PTPRM: variants seen among roughly 807,000 people sequenced by gnomAD.
The protein encoded by PTPRM is receptor-type tyrosine-protein phosphatase mu.
Under a neutral mutation model 186.7 loss-of-function variants are expected in PTPRM, and 47 were observed. That is an observed-to-expected ratio of 0.25 (90% CI 0.20 to 0.32). The LOEUF (loss-of-function observed/expected upper bound fraction) is 0.32, where lower values mean the gene tolerates loss of function less well. Ranked by LOEUF, PTPRM falls within the 10% of genes least tolerant of loss-of-function variation. PTPRM has a pLI of 1.00. For synonymous variants in PTPRM, 668 were observed against 674.9 expected (o/e 0.99, Z 0.16); for missense variants, 1,494 against 1,865.0 (o/e 0.80, Z 3.66).
chr18:8,279,326 T>C (rs143013851), intron 19 of PTPRM, among the ~76,000 whole-genome samples: 2,129 of 152,330 alleles, frequency 0.014, 18 homozygotes, highest in Middle Eastern at 0.034. Flanking sequence ...AAGCCTGATG[T>C]AGCAGGGCTG....
At chr18:8,056,651 A>T (rs1216037596) in intron 7 of PTPRM, among the ~76,000 whole-genome samples, 1 of 151,874 alleles carries the variant, frequency 6.6e-6, no homozygotes, top group African/African-American at 2.4e-5. Context: ...ATAAATGCAC[A>T]TTAGACTTTG....
intron 2 of PTPRM, among the ~76,000 whole-genome samples, chr18:7,851,232 C>T (rs369162182): frequency 6.6e-6 from 1 of 152,152 alleles, no homozygotes; most frequent in Non-Finnish European, 1.5e-5. Context: ...CATGGCAGGT[C>T]TAGCATACAT....
At chr18:7,608,032 G>C (rs2037578335) in intron 1 of PTPRM, among the ~76,000 whole-genome samples, 1 of 152,180 alleles carries the variant, frequency 6.6e-6, no homozygotes, top group African/African-American at 2.4e-5. Context: ...GCAGTAATGA[G>C]TGAAACCCTA....
chr18:7,960,928 A>G lies in PTPRM; in HGVS notation c.1132+5514A>G, dbSNP rs118104437. 8.2e-3 allele frequency among the ~76,000 whole-genome samples: 1,248 copies of G among 152,306 alleles called. 7 individuals carry two copies. The highest frequency in any genetic ancestry group is 0.032 in the South Asian group (156 of 4,820). On this transcript the variant is annotated intron_variant, in intron 7 of 32. Coordinates refer to ENST00000580170, the MANE Select transcript of PTPRM (RefSeq NM_001105244.2). ...TTAAATACACATAACAAAACTTACC[A>G]TCTTAACGAGTTTTAAGTGTACAGT... is the stretch of plus-strand genomic sequence containing the variant.
At chr18:8,192,541 G>A (rs2146723255) in intron 14 of PTPRM, among the ~76,000 whole-genome samples, 1 of 152,262 alleles carries the variant, frequency 6.6e-6, no homozygotes, top group East Asian at 1.9e-4. Flanking sequence ...AAAGAATATT[G>A]ACAGGAATTG....
At chr18:7,978,446 A>G (rs1177977438) in intron 7 of PTPRM, among the ~76,000 whole-genome samples, 1 of 152,160 alleles carries the variant, frequency 6.6e-6, no homozygotes, top group Non-Finnish European at 1.5e-5. Context: ...ACGGGACTCT[A>G]TTTGACCACT....
At chr18:8,115,046 C>G (rs577983136) in intron 13 of PTPRM, among the ~76,000 whole-genome samples, 85 of 145,710 alleles carry the variant, frequency 5.8e-4, no homozygotes, top group African/African-American at 2.4e-3. Context: ...AAATAAGAAG[C>G]TATATTTCTG....
intron 7 of PTPRM, among the ~76,000 whole-genome samples, chr18:8,067,076 TAA>T (rs2089140319): frequency 6.6e-6 from 1 of 152,236 alleles, no homozygotes; most frequent in Non-Finnish European, 1.5e-5. Flanking sequence ...CCATTGAAAT[TAA>T]GTTAGAACTG....
At chr18:7,808,917 C>G (rs2145450475) in intron 2 of PTPRM, among the ~76,000 whole-genome samples, 1 of 152,276 alleles carries the variant, frequency 6.6e-6, no homozygotes, top group Non-Finnish European at 1.5e-5. Flanking sequence ...TAGCACATTC[C>G]TCATTGGAAG....
chr18:8,126,006 TATATATA>T lies in PTPRM; in HGVS notation c.2167+11180_2167+11186del, dbSNP rs2092339803. On this transcript the variant is annotated intron_variant, in intron 13 of 32. Transcript: ENST00000580170. The stretch of plus-strand genomic sequence containing the variant: ...ATATATATATATATATATATATATA[TATATATA>T]TATATATATATATATTTTAAATCAG... 1.5e-3 allele frequency among the ~76,000 whole-genome samples: 35 copies of T among 23,940 alleles called. 1 individual carries two copies. The highest frequency in any genetic ancestry group is 3.8e-3 in the African/African-American group (35 of 9,272). 15.7% of individuals were successfully genotyped at this position (23,940 alleles called of 152,430 possible).
intron 1 of PTPRM, among the ~76,000 whole-genome samples, chr18:7,700,335 T>C (rs544607372): frequency 1.2e-4 from 18 of 152,280 alleles, no homozygotes; most frequent in African/African-American, 3.9e-4. Context: ...GTTTTATGCC[T>C]TGTAGAACCC....
At chr18:7,845,261 G>A (rs373622753) in intron 2 of PTPRM, among the ~76,000 whole-genome samples, 3 of 152,166 alleles carry the variant, frequency 2.0e-5, no homozygotes, top group African/African-American at 4.8e-5. Context: ...ACAAGAATGA[G>A]AATATGGCTT....
intron 4 of PTPRM, among the ~76,000 whole-genome samples, chr18:7,914,535 A>G (rs1017381860): frequency 6.6e-6 from 1 of 152,136 alleles, no homozygotes; most frequent in Non-Finnish European, 1.5e-5. Flanking sequence ...CACTGAGTAA[A>G]TATAGGGATT....
rs181661316 is a variant in PTPRM at position 7,597,658 on chromosome 18, G to A, written c.73+29767G>A. Among the ~76,000 whole-genome samples, 308 of 152,220 alleles carry A rather than the reference G, an allele frequency of 2.0e-3. 3 individuals carry two copies. The highest frequency in any genetic ancestry group is 7.6e-4 in the Non-Finnish European group (52 of 68,010). On this transcript the variant is annotated intron_variant, in intron 1 of 32. Transcript: ENST00000580170. ...TATTGCACTCATCTACACTAAGCTG[G>A]GTAGGCAGGAATCATGAAGTGGATT... is the stretch of plus-strand genomic sequence containing the variant.
intron 7 of PTPRM, among the ~76,000 whole-genome samples, chr18:8,014,401 A>C (rs1452653165): frequency 6.6e-6 from 1 of 152,082 alleles, no homozygotes; most frequent in Non-Finnish European, 1.5e-5. Context: ...ATTTTCCTGG[A>C]TTAGTGAATT....
chr18:8,304,865 G>A (rs962347880), intron 20 of PTPRM, among the ~76,000 whole-genome samples: 11 of 137,546 alleles, frequency 8.0e-5, no homozygotes, highest in African/African-American at 2.7e-4. Context: ...GAGAATAGAT[G>A]TGTTATTCTC....
At chr18:7,901,417 A>T (rs1233428021) in intron 3 of PTPRM, among the ~76,000 whole-genome samples, 1 of 152,088 alleles carries the variant, frequency 6.6e-6, no homozygotes, top group Non-Finnish European at 1.5e-5. Flanking sequence ...GCCAGGCTGC[A>T]GTGCAGTGGC....
intron 1 of PTPRM, among the ~76,000 whole-genome samples, chr18:7,721,437 G>A (rs2040446007): frequency 6.6e-6 from 1 of 151,926 alleles, no homozygotes; most frequent in African/African-American, 2.4e-5. Context: ...TCACTTTGTT[G>A]ATTGTGACTT....
intron 14 of PTPRM, among the ~76,000 whole-genome samples, chr18:8,213,525 G>A (rs1483676648): frequency 6.6e-6 from 1 of 152,144 alleles, no homozygotes; most frequent in Non-Finnish European, 1.5e-5. Flanking sequence ...AAAGCTACTA[G>A]AATTCTCCCA....
Sources: allele counts gnomAD v4.1 joint callset (sites outside exome capture counted in the v4.1 genomes callset), GRCh38; gene constraint gnomAD v4.1.1; transcripts MANE v1.5; gene names NCBI Gene and HGNC (gene_info 2026-07-23, HGNC 2026-07-21).